Variants in NEK7 observed in about 807,000 individuals in gnomAD.
NEK7 encodes the protein NIMA related kinase 7, also known as serine/threonine-protein kinase Nek7.
A neutral mutation model predicts 44.6 loss-of-function variants in NEK7; 18 were observed. The ratio of observed to expected loss-of-function variants is 0.40; its 90% CI spans 0.28 to 0.60. NEK7 has a LOEUF of 0.60. Among genes scored for constraint, NEK7 ranks in the 20% least tolerant of loss-of-function variants. The pLI, the probability that NEK7 is intolerant of heterozygous loss-of-function variation, is 0.38. For missense variants in NEK7, 256 were observed against 366.5 expected (o/e 0.70, Z 2.46); for synonymous variants, 130 against 121.1 (o/e 1.07, Z -0.48).
chr1:198,311,715 G>A (rs1655189659), intron 9 of NEK7, among the ~76,000 whole-genome samples: 1 of 152,144 alleles, frequency 6.6e-6, no homozygotes, highest in African/African-American at 2.4e-5. Context: ...TTTCTGTTTG[G>A]TTCTGTTTAT....
At chr1:198,311,815 T>G (rs1229630272) in intron 9 of NEK7, among the ~76,000 whole-genome samples, 4 of 152,188 alleles carry the variant, frequency 2.6e-5, no homozygotes, top group Admixed American at 6.5e-5. Context: ...ATAAGCTTTT[T>G]GATGTGCTGC....
At chr1:198,288,004 T>C (rs542872799) in intron 7 of NEK7, among the ~76,000 whole-genome samples, 4 of 152,222 alleles carry the variant, frequency 2.6e-5, no homozygotes, top group Non-Finnish European at 5.9e-5. Context: ...CCAAGTGTGA[T>C]ATATCCTCTG....
intron 9 of NEK7, among the ~76,000 whole-genome samples, chr1:198,312,650 G>A (rs535108476): frequency 2.4e-4 from 37 of 151,630 alleles, no homozygotes; most frequent in African/African-American, 6.8e-4. Flanking sequence ...CTTTGTTCTC[G>A]TTGGTTTCAA....
chr1:198,212,047 G>T (rs1024618664), intron 1 of NEK7, among the ~76,000 whole-genome samples: 1 of 152,196 alleles, frequency 6.6e-6, no homozygotes, highest in Admixed American at 6.5e-5. Context: ...GCATTCGGAT[G>T]TGTCTTGCGT....
At chr1:198,318,519 A>G (rs778266112) in intron 9 of NEK7, among the ~76,000 whole-genome samples, 9 of 152,326 alleles carry the variant, frequency 5.9e-5, no homozygotes, top group African/African-American at 1.7e-4. Context: ...ACTAAGTGCT[A>G]TATCGTGGCC....
intron 1 of NEK7, among the ~76,000 whole-genome samples, chr1:198,178,712 TGTC>T (rs1664675801): frequency 6.6e-6 from 1 of 151,914 alleles, no homozygotes; most frequent in Non-Finnish European, 1.5e-5. Flanking sequence ...TTGTTGTTGT[TGTC>T]ATGGAATACA....
In NEK7 at chr1:198,321,572, C is replaced by T. The variant is rs967300754; in HGVS notation, c.*2050C>T. On this transcript the variant is annotated 3_prime_UTR_variant, in exon 10 of 10. Coordinates refer to ENST00000367385, the MANE Select transcript of NEK7 (RefSeq NM_133494.3). ...CTTTTAAGTAAAGATTAAAGCTTTTCTTCTCAGTGAATATATCTGCTAGAA... is the reference window on the plus strand; with the variant it reads ...CTTTTAAGTAAAGATTAAAGCTTTTTTTCTCAGTGAATATATCTGCTAGAA... 4.6e-5 allele frequency: 7 copies of T among 151,990 alleles called. No homozygotes were observed. Among genetic ancestry groups the T allele is most frequent in the African/African-American group, 9.7e-5 (4 of 41,404 alleles). The allele number at this position is 151,990 out of a possible 1,614,324, so 9.4% of individuals were successfully genotyped here.
intron 1 of NEK7, among the ~76,000 whole-genome samples, chr1:198,229,547 T>C (rs1666326663): frequency 6.6e-6 from 1 of 152,138 alleles, no homozygotes; most frequent in Admixed American, 6.5e-5. Flanking sequence ...GATCTGTTGC[T>C]ATCTCCAGGA....
chr1:198,301,715 T>C (rs1475332896), intron 9 of NEK7, among the ~76,000 whole-genome samples: 1 of 152,060 alleles, frequency 6.6e-6, no homozygotes, highest in East Asian at 1.9e-4. Context: ...GAAAATTGAG[T>C]AAAGATAAAT....
intron 9 of NEK7, among the ~76,000 whole-genome samples, chr1:198,310,495 G>A (rs538985676): frequency 5.8e-5 from 8 of 138,812 alleles, no homozygotes; most frequent in Non-Finnish European, 1.1e-4. Flanking sequence ...TGCTTTTGGT[G>A]TTTTAGACAT....
intron 4 of NEK7, 94 bp downstream of exon 4, chr1:198,262,731 C>A: frequency 1.5e-6 from 1 of 657,942 alleles, no homozygotes; most frequent in Non-Finnish European, 2.6e-6. Flanking sequence ...GTTTTTAAGA[C>A]TTATGCTACA....
chr1:198,199,375 G>GGAAT (rs1390162896), intron 1 of NEK7, among the ~76,000 whole-genome samples: 1 of 152,156 alleles, frequency 6.6e-6, no homozygotes, highest in Non-Finnish European at 1.5e-5. Flanking sequence ...TGCAGCTTGG[G>GGAAT]GAATGAATGC....
At chr1:198,206,791 A>G (rs1444999297) in intron 1 of NEK7, 2 of 152,114 alleles carry the variant, frequency 1.3e-5, no homozygotes, top group Admixed American at 6.5e-5. Context: ...TAATATTTCT[A>G]TGGTTATATG....
chr1:198,248,065 G>A (rs73080732), intron 2 of NEK7, among the ~76,000 whole-genome samples: 3,527 of 152,198 alleles, frequency 0.023, 127 homozygotes, highest in African/African-American at 0.08. Context: ...GGCTTGGAGA[G>A]TACAGAGGGG....
intron 7 of NEK7, among the ~76,000 whole-genome samples, chr1:198,285,395 C>T (rs918443766): frequency 6.6e-6 from 1 of 152,126 alleles, no homozygotes; most frequent in Non-Finnish European, 1.5e-5. Flanking sequence ...TACAAAAAAG[C>T]CTCAATTGCT....
chr1:198,301,529 G>A (rs997826233), intron 9 of NEK7, among the ~76,000 whole-genome samples: 9 of 152,220 alleles, frequency 5.9e-5, no homozygotes, highest in African/African-American at 2.4e-5. Flanking sequence ...CAGCCTGGGC[G>A]ACAGAGCAAG....
chr1:198,310,714 G>A (rs1482411142), intron 9 of NEK7, among the ~76,000 whole-genome samples: 1 of 152,036 alleles, frequency 6.6e-6, no homozygotes, highest in Non-Finnish European at 1.5e-5. Context: ...TTTCCCCATT[G>A]CTTGTTTTTC....
chr1:198,291,214 C>T (rs1373110880), intron 7 of NEK7, among the ~76,000 whole-genome samples: 3 of 152,198 alleles, frequency 2.0e-5, no homozygotes, highest in Non-Finnish European at 4.4e-5. Flanking sequence ...AGTTGCCCCC[C>T]TGTGGATTCT....
intron 5 of NEK7, among the ~76,000 whole-genome samples, chr1:198,267,899 G>A (rs998345628): frequency 5.3e-5 from 8 of 151,536 alleles, no homozygotes; most frequent in Admixed American, 1.3e-4. Context: ...CCTACCACTC[G>A]TAATGGCTCT....
Sources: allele counts gnomAD v4.1 joint callset (sites outside exome capture counted in the v4.1 genomes callset), GRCh38; gene constraint gnomAD v4.1.1; transcripts MANE v1.5; gene names NCBI Gene and HGNC (gene_info 2026-07-23, HGNC 2026-07-21).